Variants in FSHR observed in about 807,000 individuals in gnomAD.
The protein encoded by FSHR is follicle-stimulating hormone receptor.
A neutral mutation model predicts 52.1 loss-of-function variants in FSHR; 46 were observed. The observed-to-expected ratio is 0.88, with a 90% CI of 0.70 to 1.13. The LOEUF is 1.13. FSHR is among the 50% of genes most tolerant of loss of function. The pLI is 0.00. For synonymous variants in FSHR, 399 were observed against 309.6 expected (o/e 1.29, Z -3.03); for missense variants, 964 against 834.6 (o/e 1.16, Z -1.91).
Position 48,962,205 on chromosome 2 carries a change from A to G in FSHR, c.*528T>C, listed in dbSNP as rs1371010924. The stretch of plus-strand genomic sequence containing the variant: ...GGGAAATGTATTTCAGCCTATCCAC[A>G]CTGACGCATTACAAAGGCTTCAGAT... On this transcript the variant is annotated 3_prime_UTR_variant, in exon 10 of 10. Transcript: ENST00000406846. 5.3e-6 allele frequency: 1 copy of G among 187,694 alleles called. No individual in the cohort carries two copies. Among genetic ancestry groups the G allele is most frequent in the Non-Finnish European group, 1.1e-5 (1 of 89,730 alleles). 11.6% of individuals were successfully genotyped at this position (187,694 alleles called of 1,614,324 possible). A position where few individuals can be genotyped will look rare whatever the true frequency, so the allele number is the denominator to read the frequency against.
At chr2:48,984,511 T>C (rs1300607966) in intron 6 of FSHR, among the ~76,000 whole-genome samples, 6 of 152,218 alleles carry the variant, frequency 3.9e-5, no homozygotes, top group Non-Finnish European at 7.3e-5. Flanking sequence ...AAAAATATTA[T>C]ATAAGTACTT....
chr2:49,094,159 G>C lies in FSHR; in HGVS notation c.153-25869C>G, dbSNP rs1316487037. On this transcript the variant is annotated intron_variant, in intron 1 of 9. Coordinates refer to ENST00000406846, the MANE Select transcript of FSHR (RefSeq NM_000145.4). ...ATATCTTCAAATAAATTTTTAAGTA[G>C]TTGCTCTAGGGATTAAACTTTTAGA... Among the ~76,000 whole-genome samples the C allele has an allele frequency of 2.0e-5, 3 of 151,876 alleles. No individual in the cohort carries two copies. The East Asian group carries it at 5.8e-4, about 29-fold the overall frequency.
chr2:48,992,184 A>G (rs13031735), intron 4 of FSHR, among the ~76,000 whole-genome samples: 85,795 of 151,856 alleles, frequency 0.56, 25,448 homozygotes, highest in Non-Finnish European at 0.66. Context: ...TAATGCGCTA[A>G]AAAATTATAT....
intron 6 of FSHR, among the ~76,000 whole-genome samples, chr2:48,987,956 G>C (rs1268398455): frequency 6.6e-6 from 1 of 151,382 alleles, no homozygotes; most frequent in Non-Finnish European, 1.5e-5. Context: ...TATGTATTTT[G>C]AATACATTCC....
At chr2:49,028,854 C>A (rs898563121) in intron 2 of FSHR, among the ~76,000 whole-genome samples, 3 of 152,154 alleles carry the variant, frequency 2.0e-5, no homozygotes, top group African/African-American at 7.2e-5. Context: ...CTGAGAAATA[C>A]CAACCCAGAC....
At chr2:49,005,162 C>T (rs1213606192) in intron 4 of FSHR, among the ~76,000 whole-genome samples, 3 of 152,088 alleles carry the variant, frequency 2.0e-5, no homozygotes, top group Non-Finnish European at 2.9e-5. Flanking sequence ...GGGCTTCTTT[C>T]AGGAGAACGC....
rs1286127475 is a variant in FSHR at position 48,992,989 on chromosome 2, T to A, written c.375-2352A>T. ...TTAGGCCTCTCTGGATCATTTAGCA[T>A]TTTTTTTCCGGACTCTCTTTTCTAT... On this transcript the variant is annotated intron_variant, in intron 4 of 9. Coordinates refer to ENST00000406846, the MANE Select transcript of FSHR (RefSeq NM_000145.4). 2.0e-5 allele frequency among the ~76,000 whole-genome samples: 3 copies of A among 152,124 alleles called. No individual in the cohort carries two copies. The South Asian group carries it at 6.2e-4, about 32-fold the overall frequency.
In FSHR at chr2:49,100,686, A is replaced by G. The variant is rs142037102; in HGVS notation, c.153-32396T>C. On this transcript the variant is annotated intron_variant, in intron 1 of 9. Transcript: ENST00000406846. ...CCCAGATCCCTGATCAGATCCTTAA[A>G]TAGTTAGCTCTGGCTGTCTACAGCC... 3.9e-4 allele frequency among the ~76,000 whole-genome samples: 60 copies of G among 152,336 alleles called. 1 individual carries two copies. The East Asian group carries it at 0.011, about 28-fold the overall frequency.
intron 9 of FSHR, among the ~76,000 whole-genome samples, chr2:48,964,884 G>C (rs1388472344): frequency 1.3e-5 from 2 of 151,844 alleles, no homozygotes; most frequent in African/African-American, 4.8e-5. Context: ...TTCTACCCCA[G>C]AGTAGTATAT....
Position 49,068,226 on chromosome 2 carries a change from C to T in FSHR, c.217G>A (p.Glu73Lys). Reference sequence around the variant, plus strand: ...GCAGTGCTAGGTACATACATTTTCTCCAGGTCCCCAAATCCTGAAAATGCA... The same window carrying T: ...GCAGTGCTAGGTACATACATTTTCTTCAGGTCCCCAAATCCTGAAAATGCA... ...KGAFSGFGDL[E>K]KIEISQNDVL... The change falls in exon 2 of 10, where the codon GAG (glutamate) becomes AAG (lysine). Residue 73 changes from glutamate to lysine, a missense_variant. By Grantham distance (56) the Glu-to-Lys change is moderately conservative (BLOSUM62 1). Transcript: ENST00000406846. 3 of 1,610,364 alleles carry T rather than the reference C, an allele frequency of 1.9e-6. No individual in the cohort carries two copies. The highest frequency in any genetic ancestry group is 2.5e-6 in the Non-Finnish European group (3 of 1,178,218).
chr2:48,979,770 C>T (rs901949282), intron 8 of FSHR, among the ~76,000 whole-genome samples: 4 of 151,834 alleles, frequency 2.6e-5, no homozygotes, highest in African/African-American at 4.8e-5. Context: ...GAGCACCCTC[C>T]GGTAAACCTC....
At chr2:49,062,888 T>TA (rs985782315) in intron 2 of FSHR, among the ~76,000 whole-genome samples, 3 of 151,608 alleles carry the variant, frequency 2.0e-5, no homozygotes, top group Non-Finnish European at 4.4e-5. Context: ...ATGGATATTA[T>TA]AAAAAAAACA....
chr2:49,032,579 T>C (rs1481332804), intron 2 of FSHR, among the ~76,000 whole-genome samples: 1 of 152,242 alleles, frequency 6.6e-6, no homozygotes, highest in Non-Finnish European at 1.5e-5. Context: ...CAATGTTTCC[T>C]GCTAATAGCA....
At chr2:48,969,904 C>T (rs142113241) in intron 8 of FSHR, among the ~76,000 whole-genome samples, 5 of 152,194 alleles carry the variant, frequency 3.3e-5, no homozygotes, top group African/African-American at 9.6e-5. Context: ...TTAAATGGCA[C>T]CAGCTTGGAC....
intron 1 of FSHR, among the ~76,000 whole-genome samples, chr2:49,119,554 A>G (rs1671728856): frequency 6.6e-6 from 1 of 152,032 alleles, no homozygotes; most frequent in African/African-American, 2.4e-5. Context: ...CGCATTTTAG[A>G]TCCTTGGTTT....
intron 2 of FSHR, among the ~76,000 whole-genome samples, chr2:49,043,084 C>T (rs1210666205): frequency 6.6e-6 from 1 of 152,140 alleles, no homozygotes; most frequent in Non-Finnish European, 1.5e-5. Flanking sequence ...TAGGGGACAT[C>T]AGGAAAACAC....
At chr2:49,105,463 G>A (rs1262629841) in intron 1 of FSHR, among the ~76,000 whole-genome samples, 3 of 152,018 alleles carry the variant, frequency 2.0e-5, no homozygotes, top group African/African-American at 7.2e-5. Flanking sequence ...AGAAAGTCAG[G>A]CCCCTCCCCT....
intron 2 of FSHR, among the ~76,000 whole-genome samples, chr2:49,050,206 C>T (rs1271343112): frequency 1.3e-5 from 2 of 152,182 alleles, no homozygotes; most frequent in Non-Finnish European, 2.9e-5. Flanking sequence ...TGGCCCAAAT[C>T]TTATATTTCC....
At chr2:49,125,059 G>A (rs1278111304) in intron 1 of FSHR, among the ~76,000 whole-genome samples, 3 of 152,104 alleles carry the variant, frequency 2.0e-5, no homozygotes, top group Non-Finnish European at 2.9e-5. Flanking sequence ...TCATCCCTCG[G>A]ATACCCACAT....
Sources: gnomAD v4.1 joint callset for allele counts (sites outside exome capture counted in the v4.1 genomes callset) on GRCh38, gnomAD v4.1.1 for gene constraint, MANE v1.5 for transcripts, NCBI Gene and HGNC (gene_info 2026-07-23, HGNC 2026-07-21) for gene names.